Variants in FBXO3 observed in about 807,000 individuals in gnomAD.
FBXO3 encodes F-box only protein 3.
Under a neutral mutation model 64.8 loss-of-function variants are expected in FBXO3, and 17 were observed. That is an observed-to-expected ratio of 0.26 (90% CI 0.18 to 0.39). FBXO3 has a LOEUF of 0.39. FBXO3 is among the 10% of genes least tolerant of loss of function. The probability of loss-of-function intolerance (pLI) is 1.00; values close to 1 mark genes in which losing one functional copy is unlikely to be tolerated. For missense variants in FBXO3, 420 were observed against 589.9 expected (o/e 0.71, Z 2.98); for synonymous variants, 182 against 201.6 (o/e 0.90, Z 0.82).
At position 33,754,507 on chromosome 11, in the gene FBXO3, G is replaced by A. The variant is rs562939029; in HGVS notation, c.679-7C>T. On this transcript the variant is annotated splice_region_variant and splice_polypyrimidine_tract_variant and intron_variant, in intron 5 of 10. Transcript: ENST00000265651. ...GATTTCGAGCCATTTGGTCCTAGGTGAGAAAAAGAATACAATCGATAAAAA... is the reference window on the plus strand; with the variant it reads ...GATTTCGAGCCATTTGGTCCTAGGTAAGAAAAAGAATACAATCGATAAAAA... 1.3e-6 allele frequency: 2 copies of A among 1,567,270 alleles called. No individual in the cohort carries two copies. The highest frequency in any genetic ancestry group is 4.6e-5 in the East Asian group (2 of 43,532).
At position 33,758,467 on chromosome 11, in the gene FBXO3, C is replaced by A. The variant is rs755821502; in HGVS notation, c.473+20G>T. 3.3e-6 allele frequency: 5 copies of A among 1,528,670 alleles called. No individual in the cohort carries two copies. The South Asian group carries it at 4.8e-5, about 15-fold the overall frequency. 94.7% of individuals were successfully genotyped at this position (1,528,670 alleles called of 1,614,324 possible). On this transcript the variant is annotated intron_variant, in intron 4 of 10. Transcript: ENST00000265651. ...AATAACTTGCATCATTAAAAATAAC[C>A]AAAACATTGAATATCTTACCCAGGA...
Position 33,741,859 on chromosome 11 carries a change from T to G in FBXO3, c.*49A>C. 6.6e-7 allele frequency: 1 copy of G among 1,519,956 alleles called. No individual in the cohort carries two copies. Among genetic ancestry groups the G allele is most frequent in the Non-Finnish European group, 8.8e-7 (1 of 1,135,110 alleles). 94.2% of individuals were successfully genotyped at this position (1,519,956 alleles called of 1,614,324 possible). On this transcript the variant is annotated 3_prime_UTR_variant, in exon 11 of 11. Coordinates refer to ENST00000265651, the MANE Select transcript of FBXO3 (RefSeq NM_012175.4). ...TAGTTATTTACATTATTGAGAAATC[T>G]ATTTAACAGCCTAGAATCATCCTAG...
At chr11:33,766,489 C>T (rs986321307) in intron 3 of FBXO3, among the ~76,000 whole-genome samples, 3 of 152,270 alleles carry the variant, frequency 2.0e-5, no homozygotes, top group Middle Eastern at 6.8e-3. Flanking sequence ...ACCATGTGTC[C>T]CACAAAGCCT....
intron 3 of FBXO3, among the ~76,000 whole-genome samples, chr11:33,763,456 A>C (rs1855289932): frequency 6.6e-6 from 1 of 152,158 alleles, no homozygotes; most frequent in South Asian, 2.1e-4. Context: ...TAGCATTCAG[A>C]AAAGCAATTA....
chr11:33,752,079 T>C (rs1854974944), intron 6 of FBXO3, among the ~76,000 whole-genome samples: 1 of 152,238 alleles, frequency 6.6e-6, no homozygotes, highest in African/African-American at 2.4e-5. Context: ...AGGCTCAGTC[T>C]GGACATCTAC....
intron 10 of FBXO3, chr11:33,742,357 C>T (rs184130785): frequency 6.8e-4 from 146 of 215,492 alleles, no homozygotes; most frequent in Middle Eastern, 3.6e-3. Context: ...TTCTTAGAGA[C>T]GAGTTCTTGC....
chr11:33,742,559 C>T (rs1278274730), intron 10 of FBXO3: 1 of 152,648 alleles, frequency 6.6e-6, no homozygotes, highest in Non-Finnish European at 1.5e-5. Flanking sequence ...AAACAGACCA[C>T]TTGTAACAAT....
chr11:33,744,887 C>T (rs780070947), intron 10 of FBXO3: 1 of 152,102 alleles, frequency 6.6e-6, no homozygotes, highest in Non-Finnish European at 1.5e-5. Context: ...AAGAATTCTT[C>T]GGAGTCCTCA....
At chr11:33,774,184 C>T (rs1177830062) in intron 1 of FBXO3, 2 of 528,714 alleles carry the variant, frequency 3.8e-6, no homozygotes, top group African/African-American at 4.1e-5. Flanking sequence ...CATACCTGGG[C>T]CCAGGACAGG....
intron 1 of FBXO3, chr11:33,771,187 G>GC (rs1855502116): frequency 6.4e-6 from 1 of 157,250 alleles, no homozygotes; most frequent in Admixed American, 6.5e-5. Flanking sequence ...AAGTTATTTA[G>GC]TCATAAACAA....
rs2133611593 is a variant in FBXO3 at position 33,760,275 on chromosome 11, G to A, written c.359-1674C>T. Among the ~76,000 whole-genome samples, 3 of 152,304 alleles carry A rather than the reference G, an allele frequency of 2.0e-5. No homozygotes were observed. The South Asian group carries it at 6.2e-4, about 32-fold the overall frequency. On this transcript the variant is annotated intron_variant, in intron 3 of 10. Transcript: ENST00000265651. ...GACAAAGATAAATTTTAAAAGCAGT[G>A]TAGTGGGTGCAGTGAGGGTATAATT...
At chr11:33,746,529 C>T (rs924084492) in intron 10 of FBXO3, 1 of 587,684 alleles carries the variant, frequency 1.7e-6, no homozygotes, top group South Asian at 2.2e-5. Flanking sequence ...ACACCTACAA[C>T]TCAATTGCAT....
rs556350153 is a variant in FBXO3 at position 33,763,867 on chromosome 11, T to C, written c.358+4984A>G. The stretch of plus-strand genomic sequence containing the variant: ...TTCTACATCCTTAGGGAAATGCAAA[T>C]TAAAACCACCACTATACACCTGCCA... On this transcript the variant is annotated intron_variant, in intron 3 of 10. Coordinates refer to ENST00000265651, the MANE Select transcript of FBXO3 (RefSeq NM_012175.4). 7.6e-4 allele frequency among the ~76,000 whole-genome samples: 115 copies of C among 152,222 alleles called. 1 individual carries two copies. The highest frequency in any genetic ancestry group is 2.5e-3 in the African/African-American group (104 of 41,518).
At chr11:33,768,036 AAGG>A (rs1267802210) in intron 3 of FBXO3, among the ~76,000 whole-genome samples, 1 of 152,238 alleles carries the variant, frequency 6.6e-6, no homozygotes, top group Non-Finnish European at 1.5e-5. Flanking sequence ...CAAAATGCAA[AAGG>A]AATACTGTTT....
chr11:33,771,316 C>T (rs1457912853), intron 1 of FBXO3: 3 of 152,130 alleles, frequency 2.0e-5, no homozygotes, highest in African/African-American at 7.2e-5. Flanking sequence ...ACAAAAACCA[C>T]GTTTTCATTA....
intron 3 of FBXO3, among the ~76,000 whole-genome samples, chr11:33,765,705 G>T (rs183462381): frequency 3.3e-5 from 5 of 152,068 alleles, no homozygotes; most frequent in African/African-American, 1.2e-4. Flanking sequence ...TCATGGGGTG[G>T]ATTTTTTCTC....
intron 1 of FBXO3, chr11:33,771,686 A>G (rs1172784586): frequency 1.3e-5 from 2 of 152,232 alleles, no homozygotes; most frequent in African/African-American, 4.8e-5. Context: ...GTTAAAAACC[A>G]TCTATAGTAA....
At chr11:33,767,145 T>C (rs1855392609) in intron 3 of FBXO3, among the ~76,000 whole-genome samples, 1 of 152,246 alleles carries the variant, frequency 6.6e-6, no homozygotes, top group Non-Finnish European at 1.5e-5. Context: ...CTAGCTCTTC[T>C]AGTCCAATAT....
At chr11:33,757,967 A>G (rs1402601991) in intron 4 of FBXO3, among the ~76,000 whole-genome samples, 1 of 152,020 alleles carries the variant, frequency 6.6e-6, no homozygotes. Context: ...AAAAAAAAAA[A>G]AAAAGTTCCA....
Sources: allele counts gnomAD v4.1 joint callset (sites outside exome capture counted in the v4.1 genomes callset), GRCh38; gene constraint gnomAD v4.1.1; transcripts MANE v1.5; gene names NCBI Gene and HGNC (gene_info 2026-07-23, HGNC 2026-07-21).